The following SLC28A3 variants were observed in gnomAD, a reference collection of about 807,000 sequenced individuals.
The protein encoded by SLC28A3 is solute carrier family 28 member 3.
SLC28A3 carries 68 observed loss-of-function variants against 84.2 expected under a neutral mutation model. The ratio of observed to expected loss-of-function variants is 0.81; its 90% CI spans 0.66 to 0.99. The LOEUF (loss-of-function observed/expected upper bound fraction) is 0.99, where lower values mean the gene tolerates loss of function less well. SLC28A3 is among the 50% of genes least tolerant of loss of function. The probability of loss-of-function intolerance (pLI) is 0.00; values close to 1 mark genes in which losing one functional copy is unlikely to be tolerated. For missense variants in SLC28A3, 712 were observed against 841.5 expected (o/e 0.85, Z 1.90); for synonymous variants, 267 against 303.6 (o/e 0.88, Z 1.25).
chr9:84,292,513 C>T (rs1264602345), intron 10 of SLC28A3, 155 bp downstream of exon 10: 4 of 551,352 alleles, frequency 7.3e-6, no homozygotes, highest in Non-Finnish European at 1.3e-5. Context: ...CTCTCTTCTC[C>T]CCCTGGAATC....
chr9:84,285,353 AT>A lies in SLC28A3; in HGVS notation c.1638del (p.Gln546HisfsTer9). The A allele has an allele frequency of 1.2e-6, 2 of 1,614,004 alleles. No homozygotes were observed. The highest frequency in any genetic ancestry group is 3.3e-4 in the Middle Eastern group (2 of 6,050). The part of the protein sequence containing the change: ...GGPKFVNGVQ[Q>X]YISIRSEIIA... ...TTAAAATATTTACTCACTGATATAT[AT>A]TGCTGCACACCGTTTACAAATTTGG... On this transcript the variant is annotated frameshift_variant, in exon 14 of 18. Transcript: ENST00000376238. LOFTEE classifies it high-confidence loss of function.
intron 13 of SLC28A3, 134 bp downstream of exon 13, chr9:84,285,809 G>T: frequency 1.8e-6 from 2 of 1,082,292 alleles, no homozygotes; most frequent in Non-Finnish European, 1.3e-6. Context: ...GTGGGAAGTT[G>T]GGGGATGCAT....
At chr9:84,280,668 A>G in intron 15 of SLC28A3, 133 bp downstream of exon 15, 1 of 835,198 alleles carries the variant, frequency 1.2e-6, no homozygotes, top group Non-Finnish European at 1.9e-6. Flanking sequence ...AGAGATTAAA[A>G]AAATAGACCC....
the SLC28A3 span, among the ~76,000 whole-genome samples, chr9:84,354,129 G>A: frequency 6.6e-6 from 1 of 152,136 alleles, no homozygotes; most frequent in Non-Finnish European, 1.5e-5. Context: ...ATCTGTTCTG[G>A]CCACAGGACA....
intron 1 of SLC28A3, among the ~76,000 whole-genome samples, chr9:84,325,034 C>T (rs1218817553): frequency 1.3e-5 from 2 of 152,196 alleles, no homozygotes; most frequent in African/African-American, 4.8e-5. Flanking sequence ...ACAGAATTTA[C>T]AAATGTAGTT....
In SLC28A3 at chr9:84,290,307, C is replaced by T. The variant is rs551372252; in HGVS notation, c.1024-28G>A. Reference sequence around the variant, plus strand: ...GGAGACAAAGAAGGGTGACCAGATTCCTTTTTAAATCTGTGTGGGGGCAGG... The same window carrying T: ...GGAGACAAAGAAGGGTGACCAGATTTCTTTTTAAATCTGTGTGGGGGCAGG... On this transcript the variant is annotated intron_variant, in intron 10 of 17. Coordinates refer to ENST00000376238, the MANE Select transcript of SLC28A3 (RefSeq NM_001199633.2). The T allele has an allele frequency of 1.9e-6, 3 of 1,612,242 alleles. No individual in the cohort carries two copies. In the African/African-American group the frequency reaches 4.0e-5, roughly 22 times the overall value.
intron 8 of SLC28A3, 40 bp from the exon 9 acceptor site, chr9:84,294,315 A>G: frequency 6.3e-7 from 1 of 1,595,782 alleles, no homozygotes; most frequent in Non-Finnish European, 8.6e-7. Context: ...TGATGGGTCC[A>G]GCTGCACCAG....
chr9:84,311,718 C>G (rs1413784097), intron 2 of SLC28A3, among the ~76,000 whole-genome samples: 1 of 151,896 alleles, frequency 6.6e-6, no homozygotes, highest in African/African-American at 2.4e-5. Context: ...TAGCTGGGCA[C>G]AGTGACGGGT....
chr9:84,357,905 A>C, the SLC28A3 span, among the ~76,000 whole-genome samples: 1 of 152,270 alleles, frequency 6.6e-6, no homozygotes. Context: ...GCAGGTCTAG[A>C]TGCAGGGGTC....
intron 5 of SLC28A3, 22 bp from the exon 6 acceptor site, chr9:84,299,747 C>A: frequency 6.4e-7 from 1 of 1,556,908 alleles, no homozygotes; most frequent in East Asian, 2.3e-5. Flanking sequence ...GGAAAGGAGG[C>A]ATTGGCATCA....
chr9:84,281,697 C>T (rs933298480), intron 14 of SLC28A3, among the ~76,000 whole-genome samples: 2 of 152,322 alleles, frequency 1.3e-5, no homozygotes, highest in Non-Finnish European at 2.9e-5. Context: ...TAAATAGCCT[C>T]ATGCTGGAAA....
chr9:84,279,932 T>G (rs756663277), intron 16 of SLC28A3, 43 bp downstream of exon 16: 2 of 1,593,110 alleles, frequency 1.3e-6, no homozygotes, highest in Admixed American at 3.4e-5. Flanking sequence ...AAAGCTGCCA[T>G]TCATCCTGTG....
At chr9:84,351,691 T>TA in the SLC28A3 span, among the ~76,000 whole-genome samples, 844 of 141,774 alleles carry the variant, frequency 6.0e-3, 4 homozygotes, top group African/African-American at 0.019. Flanking sequence ...TAAATTAAAT[T>TA]AAAAAAAAAA....
At chr9:84,311,861 A>C (rs1825999759) in intron 2 of SLC28A3, among the ~76,000 whole-genome samples, 1 of 152,202 alleles carries the variant, frequency 6.6e-6, no homozygotes. Flanking sequence ...TCTCAAAAAA[A>C]CAAAAAACCC....
At chr9:84,288,390 T>G (rs370147353) in intron 11 of SLC28A3, among the ~76,000 whole-genome samples, 162 of 152,276 alleles carry the variant, frequency 1.1e-3, no homozygotes, top group African/African-American at 3.8e-3. Context: ...AGGGAGACAT[T>G]TGTGCTAATT....
intron 6 of SLC28A3, 129 bp downstream of exon 6, chr9:84,299,452 G>GGGA: frequency 8.2e-7 from 1 of 1,223,954 alleles, no homozygotes. Context: ...CCCTGGTCAC[G>GGGA]TTAAATAATC....
chr9:84,285,238 T>C (rs1384520555), intron 14 of SLC28A3, 107 bp downstream of exon 14: 5 of 1,109,604 alleles, frequency 4.5e-6, no homozygotes, highest in Non-Finnish European at 6.5e-6. Flanking sequence ...TGCTCTCTAA[T>C]CTATCCCAGG....
At chr9:84,347,369 C>A in the SLC28A3 span, among the ~76,000 whole-genome samples, 1 of 152,058 alleles carries the variant, frequency 6.6e-6, no homozygotes, top group Non-Finnish European at 1.5e-5. Flanking sequence ...ACACATGAAG[C>A]TCAGGGAGAT....
chr9:84,301,369 A>AAAAAAAAAAAAAAAG lies in SLC28A3; in HGVS notation c.524+830_524+831insCTTTTTTTTTTTTTT, dbSNP rs753889714. ...TGTCTCAAAAAAAAAAAAAAAAAAA[A>AAAAAAAAAAAAAAAG]AAAAAGAAAAGGCTGTAAACATTGG... is the stretch of plus-strand genomic sequence containing the variant. On this transcript the variant is annotated intron_variant, in intron 5 of 17. Coordinates refer to ENST00000376238, the MANE Select transcript of SLC28A3 (RefSeq NM_001199633.2). 2.4e-3 allele frequency among the ~76,000 whole-genome samples: 320 copies of AAAAAAAAAAAAAAAG among 132,046 alleles called. 2 individuals are homozygous for AAAAAAAAAAAAAAAG. The highest frequency in any genetic ancestry group is 3.9e-3 in the Middle Eastern group (1 of 256). 86.6% of individuals were successfully genotyped at this position (132,046 alleles called of 152,430 possible). A position where few individuals can be genotyped will look rare whatever the true frequency, so the allele number is the denominator to read the frequency against.
Sources: allele counts gnomAD v4.1 joint callset (sites outside exome capture counted in the v4.1 genomes callset), GRCh38; gene constraint gnomAD v4.1.1; transcripts MANE v1.5; gene names NCBI Gene and HGNC (gene_info 2026-07-23, HGNC 2026-07-21).